LRRC4C: variants seen among roughly 807,000 people sequenced by gnomAD.
The protein encoded by LRRC4C is leucine-rich repeat-containing protein 4C.
In LRRC4C, 5 loss-of-function variants were observed where a neutral mutation model predicts 33.6. The observed-to-expected ratio is 0.15, with a 90% CI of 0.08 to 0.31. The LOEUF is 0.31. Ranked by LOEUF, LRRC4C falls within the 10% of genes least tolerant of loss-of-function variation. The probability of loss-of-function intolerance (pLI) is 1.00; values close to 1 mark genes in which losing one functional copy is unlikely to be tolerated. For missense variants in LRRC4C, 560 were observed against 796.7 expected (o/e 0.70, Z 3.58); for synonymous variants, 329 against 302.0 (o/e 1.09, Z -0.93).
chr11:40,219,599 T>C (rs1243414270), intron 5 of LRRC4C, among the ~76,000 whole-genome samples: 1 of 152,172 alleles, frequency 6.6e-6, no homozygotes, highest in East Asian at 1.9e-4. Context: ...CAGGGATGAA[T>C]CTGGAGGACA....
chr11:40,760,263 A>G (rs111589885), intron 2 of LRRC4C, among the ~76,000 whole-genome samples: 2 of 152,138 alleles, frequency 1.3e-5, no homozygotes, highest in African/African-American at 4.8e-5. Flanking sequence ...ATCAGTATCC[A>G]TAACATTTTA....
chr11:41,149,387 G>C (rs370677696), intron 1 of LRRC4C, among the ~76,000 whole-genome samples: 24 of 151,750 alleles, frequency 1.6e-4, no homozygotes, highest in African/African-American at 5.1e-4. Context: ...GGCGCCTGTA[G>C]TCCCAGCTAC....
chr11:40,857,330 A>C (rs1953838933), intron 2 of LRRC4C, among the ~76,000 whole-genome samples: 1 of 152,122 alleles, frequency 6.6e-6, no homozygotes, highest in African/African-American at 2.4e-5. Flanking sequence ...TGCATTAGCT[A>C]TTTATCCTGA....
rs146564988 is a variant in LRRC4C at position 41,270,464 on chromosome 11, G to A, written c.-496+188967C>T. On this transcript the variant is annotated intron_variant, in intron 1 of 6. Coordinates refer to ENST00000528697, the MANE Select transcript of LRRC4C (RefSeq NM_001258419.2). ...CTTCAGAGTCTGCTCAGCCTTCAGAGAGTATGAAGGGATTCCTTTTGGGAA... is the reference window on the plus strand; with the variant it reads ...CTTCAGAGTCTGCTCAGCCTTCAGAAAGTATGAAGGGATTCCTTTTGGGAA... Among the ~76,000 whole-genome samples the A allele has an allele frequency of 4.6e-3, 706 of 152,264 alleles. 4 individuals carry two copies. Among genetic ancestry groups the A allele is most frequent in the Non-Finnish European group, 8.9e-3 (602 of 68,012 alleles).
At position 40,733,061 on chromosome 11, in the gene LRRC4C, GTTTTTTTTTTTTTTTTTT is replaced by G. The variant is rs544471413; in HGVS notation, c.-406-84801_-406-84784del. 9.1e-3 allele frequency among the ~76,000 whole-genome samples: 523 copies of G among 57,692 alleles called. 10 individuals are homozygous for G. The highest frequency in any genetic ancestry group is 0.035 in the African/African-American group (503 of 14,206). The allele number at this position is 57,692 out of a possible 152,430, so 37.8% of individuals were successfully genotyped here. On this transcript the variant is annotated intron_variant, in intron 2 of 6. Coordinates refer to ENST00000528697, the MANE Select transcript of LRRC4C (RefSeq NM_001258419.2). Reference sequence around the variant, plus strand: ...GGATCCAAAACCAGTTATGAATATAGTTTTTTTTTTTTTTTTTTTTTTTTTTTTTTTTGAGATGGAGTC... The same window carrying G: ...GGATCCAAAACCAGTTATGAATATAGTTTTTTTTTTTTTTGAGATGGAGTC...
chr11:40,908,801 T>C lies in LRRC4C; in HGVS notation c.-407+24834A>G, dbSNP rs186676588. Among the ~76,000 whole-genome samples, 544 of 152,266 alleles carry C rather than the reference T, an allele frequency of 3.6e-3. 7 individuals are homozygous for C. The highest frequency in any genetic ancestry group is 3.5e-3 in the Non-Finnish European group (238 of 67,984). ...ATGCAAATTTGCATAAACCTAGATT[T>C]TAAAATGAGATTTACAGGTGGTAAA... On this transcript the variant is annotated intron_variant, in intron 2 of 6. Transcript: ENST00000528697.
intron 1 of LRRC4C, among the ~76,000 whole-genome samples, chr11:41,018,529 G>A (rs1376986202): frequency 2.0e-5 from 3 of 151,958 alleles, no homozygotes; most frequent in African/African-American, 4.8e-5. Context: ...TTCCTTTGTC[G>A]GCATCTTCAT....
intron 1 of LRRC4C, among the ~76,000 whole-genome samples, chr11:41,158,543 C>T (rs993522496): frequency 4.6e-5 from 7 of 152,108 alleles, no homozygotes; most frequent in Non-Finnish European, 1.0e-4. Context: ...ACCGCTCCTT[C>T]TTCTTTTAGG....
At chr11:40,784,585 C>A (rs1002768133) in intron 2 of LRRC4C, among the ~76,000 whole-genome samples, 1 of 152,138 alleles carries the variant, frequency 6.6e-6, no homozygotes, top group African/African-American at 2.4e-5. Context: ...CTCACAAACA[C>A]CCCTATTTTG....
intron 1 of LRRC4C, among the ~76,000 whole-genome samples, chr11:41,134,959 C>A (rs1309538259): frequency 9.2e-5 from 14 of 152,108 alleles, no homozygotes; most frequent in Admixed American, 9.2e-4. Flanking sequence ...TATTTGAAAG[C>A]TGAGGACATA....
intron 3 of LRRC4C, among the ~76,000 whole-genome samples, chr11:40,367,841 T>G (rs1432857667): frequency 6.6e-6 from 1 of 152,152 alleles, no homozygotes; most frequent in East Asian, 1.9e-4. Flanking sequence ...ATTTGGTTAT[T>G]ATCTGATCCC....
At chr11:40,575,549 G>A (rs1476059245) in intron 3 of LRRC4C, among the ~76,000 whole-genome samples, 4 of 152,126 alleles carry the variant, frequency 2.6e-5, no homozygotes, top group Non-Finnish European at 4.4e-5. Flanking sequence ...AAAAGTCTTA[G>A]GCAATGGGAA....
intron 4 of LRRC4C, among the ~76,000 whole-genome samples, chr11:40,270,574 A>G (rs979077025): frequency 2.6e-5 from 4 of 152,040 alleles, no homozygotes; most frequent in Non-Finnish European, 5.9e-5. Flanking sequence ...AATTCTGCCC[A>G]TAACACTCTC....
At chr11:40,929,100 A>T (rs1042987075) in intron 2 of LRRC4C, among the ~76,000 whole-genome samples, 4 of 152,216 alleles carry the variant, frequency 2.6e-5, no homozygotes, top group South Asian at 4.1e-4. Flanking sequence ...TCACAAATGG[A>T]AGAAGTCCAA....
intron 5 of LRRC4C, among the ~76,000 whole-genome samples, chr11:40,177,102 C>T (rs797018963): frequency 5.9e-5 from 9 of 151,760 alleles, no homozygotes; most frequent in East Asian, 5.9e-4. Flanking sequence ...TACAGGCGCC[C>T]GCCACCATGT....
intron 2 of LRRC4C, among the ~76,000 whole-genome samples, chr11:40,757,432 T>C (rs561208545): frequency 1.3e-5 from 2 of 152,194 alleles, no homozygotes; most frequent in East Asian, 3.9e-4. Flanking sequence ...CATTGCTCAG[T>C]GAATCTATTG....
chr11:40,497,761 CAAAT>C (rs1414983859), intron 3 of LRRC4C, among the ~76,000 whole-genome samples: 1 of 152,118 alleles, frequency 6.6e-6, no homozygotes, highest in African/African-American at 2.4e-5. Flanking sequence ...TCAGAAGTCA[CAAAT>C]AGTCACTATT....
intron 5 of LRRC4C, among the ~76,000 whole-genome samples, chr11:40,234,864 A>G (rs539427636): frequency 1.4e-4 from 22 of 152,334 alleles, no homozygotes; most frequent in African/African-American, 5.3e-4. Flanking sequence ...TGCCAGTCTA[A>G]AATCAAAAGC....
intron 2 of LRRC4C, among the ~76,000 whole-genome samples, chr11:40,799,261 C>T (rs1050367892): frequency 6.6e-6 from 1 of 151,850 alleles, no homozygotes; most frequent in South Asian, 2.1e-4. Context: ...TTTTTGTGTA[C>T]CTTTGCATTG....
Sources: allele counts gnomAD v4.1 joint callset (sites outside exome capture counted in the v4.1 genomes callset), GRCh38; gene constraint gnomAD v4.1.1; transcripts MANE v1.5; gene names NCBI Gene and HGNC (gene_info 2026-07-23, HGNC 2026-07-21).